Variants in COL13A1 observed in about 807,000 individuals in gnomAD.
The protein encoded by COL13A1 is collagen alpha-1(XIII) chain.
COL13A1 carries 89 observed loss-of-function variants against 130.9 expected under a neutral mutation model. The observed-to-expected ratio is 0.68, with a 90% CI of 0.57 to 0.81. The LOEUF is 0.81. Among genes scored for constraint, COL13A1 ranks in the 30% least tolerant of loss-of-function variants. The pLI is 0.00. For synonymous variants in COL13A1, 402 were observed against 341.6 expected, an observed-to-expected ratio of 1.18 and a Z score of -1.95; for missense variants, 879 against 934.6, an observed-to-expected ratio of 0.94 and a Z score of 0.78.
intron 2 of COL13A1, among the ~76,000 whole-genome samples, chr10:69,838,000 T>C (rs572907190): frequency 6.6e-6 from 1 of 152,318 alleles, no homozygotes; most frequent in Admixed American, 6.5e-5. Context: ...TCCAGTGCTG[T>C]GGCCATCCTG....
intron 1 of COL13A1, among the ~76,000 whole-genome samples, chr10:69,810,866 T>C (rs1842860738): frequency 6.6e-6 from 1 of 152,212 alleles, no homozygotes; most frequent in African/African-American, 2.4e-5. Context: ...CTTGCAGAGA[T>C]GCTGTCTGTG....
chr10:69,855,660 G>A (rs950628586), intron 2 of COL13A1, among the ~76,000 whole-genome samples: 10 of 151,184 alleles, frequency 6.6e-5, no homozygotes, highest in African/African-American at 1.9e-4. Context: ...CCTGCTTCAC[G>A]GAGTCCTGCT....
intron 2 of COL13A1, chr10:69,824,218 C>T: frequency 4.3e-6 from 2 of 462,406 alleles, no homozygotes; most frequent in South Asian, 3.2e-5. Flanking sequence ...TGCTTAGCAT[C>T]TTCTCTGATT....
intron 2 of COL13A1, among the ~76,000 whole-genome samples, chr10:69,856,295 C>T (rs1275019721): frequency 6.6e-6 from 1 of 152,208 alleles, no homozygotes; most frequent in African/African-American, 2.4e-5. Context: ...TGAGGGGTAT[C>T]CAGTCCATTT....
At chr10:69,876,169 A>C (rs779824012) in intron 5 of COL13A1, among the ~76,000 whole-genome samples, 10 of 152,210 alleles carry the variant, frequency 6.6e-5, no homozygotes, top group Non-Finnish European at 1.5e-4. Flanking sequence ...CAAGAACTGC[A>C]TGAGGTAGAC....
chr10:69,811,202 C>T (rs543995310), intron 1 of COL13A1, among the ~76,000 whole-genome samples: 1 of 152,192 alleles, frequency 6.6e-6, no homozygotes. Flanking sequence ...GCTCCTTCCT[C>T]CTGCCCACCA....
At chr10:69,860,864 G>A (rs1460280079) in intron 2 of COL13A1, among the ~76,000 whole-genome samples, 3 of 152,186 alleles carry the variant, frequency 2.0e-5, no homozygotes, top group South Asian at 2.1e-4. Context: ...CCATCTCCAC[G>A]AGGGCTCCAG....
At chr10:69,848,552 C>T (rs1000027993) in intron 2 of COL13A1, among the ~76,000 whole-genome samples, 10 of 152,130 alleles carry the variant, frequency 6.6e-5, no homozygotes, top group East Asian at 1.9e-4. Flanking sequence ...AGAAAACCTT[C>T]GATACAGAAG....
chr10:69,811,023 C>A (rs771783062), intron 1 of COL13A1, among the ~76,000 whole-genome samples: 1 of 152,192 alleles, frequency 6.6e-6, no homozygotes, highest in Admixed American at 6.5e-5. Context: ...CCCTGCCTGG[C>A]GGCTATTGTA....
At chr10:69,807,068 A>G (rs1277871749) in intron 1 of COL13A1, among the ~76,000 whole-genome samples, 1 of 152,194 alleles carries the variant, frequency 6.6e-6, no homozygotes, top group Non-Finnish European at 1.5e-5. Context: ...GAAGCAGAGG[A>G]GGGTCTCAGC....
At chr10:69,847,147 T>C (rs1043238326) in intron 2 of COL13A1, among the ~76,000 whole-genome samples, 4 of 152,204 alleles carry the variant, frequency 2.6e-5, no homozygotes, top group African/African-American at 9.6e-5. Context: ...ACCGCATGCT[T>C]AGGGCCTGAC....
chr10:69,932,363 GAGT>G (rs2066231336), intron 30 of COL13A1, among the ~76,000 whole-genome samples, 194 bp from the exon 31 acceptor site: 3 of 152,278 alleles, frequency 2.0e-5, no homozygotes, highest in African/African-American at 7.2e-5. Flanking sequence ...AGTCCACAGA[GAGT>G]ATCAGCCTCT....
At chr10:69,829,379 C>T (rs1848267887) in intron 2 of COL13A1, 1 of 547,108 alleles carries the variant, frequency 1.8e-6, no homozygotes, top group African/African-American at 2.0e-5. Context: ...CCTAACACAG[C>T]TTGTTACCTG....
intron 40 of COL13A1, among the ~76,000 whole-genome samples, chr10:69,957,368 T>C (rs893561372): frequency 6.6e-6 from 1 of 152,090 alleles, no homozygotes; most frequent in Non-Finnish European, 1.5e-5. Context: ...ACTCATAGAG[T>C]TCCTCTAAGG....
At chr10:69,930,289 GC>G in intron 29 of COL13A1, 110 bp from the exon 30 acceptor site, 1 of 1,167,642 alleles carries the variant, frequency 8.6e-7, no homozygotes, top group Non-Finnish European at 1.2e-6. Flanking sequence ...GTCTCTGCCT[GC>G]CCCAGACAAG....
At position 69,952,879 on chromosome 10, in the gene COL13A1, C is replaced by CA; in HGVS notation, c.2059-2dup. The CA allele has an allele frequency of 6.5e-7, 1 of 1,548,824 alleles. No homozygotes were observed. The highest frequency in any genetic ancestry group is 8.6e-7 in the Non-Finnish European group (1 of 1,156,378). On this transcript the variant is annotated splice_polypyrimidine_tract_variant and splice_region_variant and intron_variant, in intron 38 of 40. Coordinates refer to ENST00000645393, the MANE Select transcript of COL13A1 (RefSeq NM_001368882.1). ...TTTTCTCGGACTAAACCATTATTTA[C>CA]AGGGGGAGAGGGGGAAGAAAGGCTC...
At chr10:69,853,264 C>A (rs1483971863) in intron 2 of COL13A1, among the ~76,000 whole-genome samples, 1 of 152,100 alleles carries the variant, frequency 6.6e-6, no homozygotes, top group Non-Finnish European at 1.5e-5. Flanking sequence ...GATACTGCAC[C>A]CACCCCCCGT....
intron 15 of COL13A1, among the ~76,000 whole-genome samples, chr10:69,903,294 C>T (rs1385831355): frequency 6.6e-6 from 1 of 152,354 alleles, no homozygotes; most frequent in African/African-American, 2.4e-5. Flanking sequence ...TTTCACACTG[C>T]TGGGCCACCT....
At chr10:69,806,731 G>T (rs569967321) in intron 1 of COL13A1, among the ~76,000 whole-genome samples, 95 of 152,348 alleles carry the variant, frequency 6.2e-4, no homozygotes, top group African/African-American at 2.2e-3. Context: ...GCTGGGCCGG[G>T]TGCAGTGGCT....
Sources: allele counts gnomAD v4.1 joint callset (sites outside exome capture counted in the v4.1 genomes callset), GRCh38; gene constraint gnomAD v4.1.1; transcripts MANE v1.5; gene names NCBI Gene and HGNC (gene_info 2026-07-23, HGNC 2026-07-21).